The following SPOCK3 variants were observed in gnomAD, a reference collection of about 807,000 sequenced individuals.
The protein encoded by SPOCK3 is testican-3.
In SPOCK3, 30 loss-of-function variants were observed where a neutral mutation model predicts 56.6. The ratio of observed to expected loss-of-function variants is 0.53; its 90% CI spans 0.40 to 0.72. The LOEUF is 0.72. SPOCK3 is among the 30% of genes least tolerant of loss of function. The pLI is 0.00. For missense variants in SPOCK3, 527 were observed against 530.0 expected (o/e 0.99, Z 0.06); for synonymous variants, 196 against 183.3 (o/e 1.07, Z -0.56).
chr4:166,742,274 T>TATCTATCTATC (rs998239618), intron 8 of SPOCK3, among the ~76,000 whole-genome samples: 1 of 151,564 alleles, frequency 6.6e-6, no homozygotes, highest in African/African-American at 2.4e-5. Flanking sequence ...TCTATCTATC[T>TATCTATCTATC]ATCTAATATC....
chr4:166,736,559 CT>C (rs918736773), intron 10 of SPOCK3, among the ~76,000 whole-genome samples: 1 of 151,926 alleles, frequency 6.6e-6, no homozygotes, highest in Non-Finnish European at 1.5e-5. Context: ...TATTGTTTAT[CT>C]TTTTTTAATA....
At chr4:166,959,707 T>C (rs553412089) in intron 4 of SPOCK3, among the ~76,000 whole-genome samples, 77 of 152,188 alleles carry the variant, frequency 5.1e-4, no homozygotes, top group African/African-American at 1.7e-3. Context: ...CTTTACTTAA[T>C]AATATAACCA....
At chr4:166,996,291 T>C (rs1345025936) in intron 4 of SPOCK3, among the ~76,000 whole-genome samples, 2 of 152,166 alleles carry the variant, frequency 1.3e-5, no homozygotes, top group African/African-American at 4.8e-5. Flanking sequence ...ATGCCAAACC[T>C]TTTCCTTTTA....
intron 2 of SPOCK3, among the ~76,000 whole-genome samples, chr4:167,187,702 T>C (rs1247977621): frequency 6.6e-6 from 1 of 152,178 alleles, no homozygotes; most frequent in Non-Finnish European, 1.5e-5. Context: ...CATTTTTATA[T>C]ATATCTTATG....
intron 2 of SPOCK3, among the ~76,000 whole-genome samples, chr4:167,135,619 C>A (rs1033839076): frequency 2.0e-5 from 3 of 151,798 alleles, no homozygotes; most frequent in Admixed American, 6.6e-5. Context: ...AAACCCAGAA[C>A]ATATACAATG....
Position 166,754,663 on chromosome 4 carries a change from G to C in SPOCK3, c.776C>G (p.Thr259Arg). ...SLGWMFNRLD[T>R]NYDLLLDQSE... ...CTGGTCCAATAGCAGGTCATAGTTT[G>C]TATCAAGTCTGTTAAACATCCAGCC... Residue 259 changes from threonine to arginine, a missense_variant, in exon 8 of 11, where the codon ACA (threonine) becomes AGA (arginine). Thr to Arg is a moderately conservative substitution (Grantham distance 71). Transcript: ENST00000357545. The C allele has an allele frequency of 6.2e-7, 1 of 1,613,680 alleles. No homozygotes were observed. Among genetic ancestry groups the C allele is most frequent in the Non-Finnish European group, 8.5e-7 (1 of 1,179,738 alleles).
intron 2 of SPOCK3, among the ~76,000 whole-genome samples, chr4:167,180,135 A>G (rs950255623): frequency 6.6e-6 from 1 of 152,142 alleles, no homozygotes; most frequent in African/African-American, 2.4e-5. Context: ...TGTTGTTTCA[A>G]ATGAACTCAG....
At chr4:167,176,291 A>G (rs1730974518) in intron 2 of SPOCK3, among the ~76,000 whole-genome samples, 1 of 152,148 alleles carries the variant, frequency 6.6e-6, no homozygotes, top group South Asian at 2.1e-4. Flanking sequence ...GATTACAGGG[A>G]TCAGGGCATG....
chr4:166,839,844 G>A (rs984114269), intron 6 of SPOCK3, among the ~76,000 whole-genome samples: 11 of 152,118 alleles, frequency 7.2e-5, no homozygotes, highest in Non-Finnish European at 1.3e-4. Context: ...CTCAGACACA[G>A]CCCAAACCAC....
At chr4:166,933,403 G>T (rs1383131627) in intron 4 of SPOCK3, among the ~76,000 whole-genome samples, 1 of 152,112 alleles carries the variant, frequency 6.6e-6, no homozygotes, top group Non-Finnish European at 1.5e-5. Flanking sequence ...GGCTCTGGAT[G>T]CCCAGCCATA....
chr4:167,064,679 C>A (rs1256561516), intron 2 of SPOCK3, among the ~76,000 whole-genome samples: 1 of 151,652 alleles, frequency 6.6e-6, no homozygotes, highest in Non-Finnish European at 1.5e-5. Flanking sequence ...TGGAGACGGG[C>A]AAACCAGAAT....
At chr4:166,828,194 G>A (rs1406083227) in intron 6 of SPOCK3, among the ~76,000 whole-genome samples, 2 of 151,720 alleles carry the variant, frequency 1.3e-5, no homozygotes, top group Non-Finnish European at 2.9e-5. Flanking sequence ...AAATACCATA[G>A]AACTAGACTG....
intron 2 of SPOCK3, among the ~76,000 whole-genome samples, chr4:167,137,696 T>C (rs907194981): frequency 6.6e-6 from 1 of 151,906 alleles, no homozygotes; most frequent in Non-Finnish European, 1.5e-5. Flanking sequence ...TTGTAGGTAA[T>C]AGGCAAAATA....
intron 2 of SPOCK3, among the ~76,000 whole-genome samples, chr4:167,097,321 T>A (rs2150318707): frequency 6.6e-6 from 1 of 152,032 alleles, no homozygotes; most frequent in South Asian, 2.1e-4. Context: ...TTTATATGAT[T>A]CATTTTATTA....
chr4:166,920,924 A>T (rs916237165), intron 4 of SPOCK3, among the ~76,000 whole-genome samples: 3 of 152,218 alleles, frequency 2.0e-5, no homozygotes, highest in Admixed American at 6.5e-5. Context: ...CATTTTATTT[A>T]AGTAAACCGT....
intron 2 of SPOCK3, among the ~76,000 whole-genome samples, chr4:167,228,811 G>T (rs938253286): frequency 2.0e-5 from 3 of 152,020 alleles, no homozygotes; most frequent in Admixed American, 1.3e-4. Context: ...GAGGTCAGTT[G>T]CCTCTCTCCA....
chr4:166,742,103 C>T (rs954644314), intron 8 of SPOCK3, 44 bp from the exon 9 acceptor site: 9 of 1,398,502 alleles, frequency 6.4e-6, no homozygotes, highest in Non-Finnish European at 9.1e-6. Flanking sequence ...TCTAGTTAAA[C>T]AAAGAAAGTG....
At chr4:167,056,871 T>C (rs1165251341) in intron 3 of SPOCK3, among the ~76,000 whole-genome samples, 1 of 152,140 alleles carries the variant, frequency 6.6e-6, no homozygotes, top group African/African-American at 2.4e-5. Flanking sequence ...TGCAGGATAT[T>C]ATCCAGGAGA....
At chr4:167,103,447 T>C (rs573418695) in intron 2 of SPOCK3, among the ~76,000 whole-genome samples, 1 of 152,218 alleles carries the variant, frequency 6.6e-6, no homozygotes, top group South Asian at 2.1e-4. Context: ...TATGGGAGCA[T>C]CAGCACTAGC....
Sources: allele counts gnomAD v4.1 joint callset (sites outside exome capture counted in the v4.1 genomes callset), GRCh38; gene constraint gnomAD v4.1.1; transcripts MANE v1.5; gene names NCBI Gene and HGNC (gene_info 2026-07-23, HGNC 2026-07-21).